Variants in EIF2AK3 observed in about 807,000 individuals in gnomAD.
EIF2AK3 encodes eukaryotic translation initiation factor 2 alpha kinase 3.
A neutral mutation model predicts 113.5 loss-of-function variants in EIF2AK3; 50 were observed. The observed-to-expected ratio is 0.44, with a 90% CI of 0.35 to 0.56. The LOEUF (loss-of-function observed/expected upper bound fraction) is 0.56, where lower values mean the gene tolerates loss of function less well. Among genes scored for constraint, EIF2AK3 ranks in the 20% least tolerant of loss-of-function variants. EIF2AK3 has a pLI of 0.00. For synonymous variants in EIF2AK3, 448 were observed against 495.4 expected, an observed-to-expected ratio of 0.90 and a Z score of 1.27; for missense variants, 1,185 against 1,378.0, an observed-to-expected ratio of 0.86 and a Z score of 2.22.
intron 2 of EIF2AK3, among the ~76,000 whole-genome samples, chr2:88,607,351 A>T (rs2104460568): frequency 6.6e-6 from 1 of 152,360 alleles, no homozygotes; most frequent in African/African-American, 2.4e-5. Flanking sequence ...AATTAAAAAC[A>T]AAATTCTTAG....
At chr2:88,620,597 T>C (rs990695343) in intron 1 of EIF2AK3, among the ~76,000 whole-genome samples, 7 of 152,262 alleles carry the variant, frequency 4.6e-5, no homozygotes, top group Non-Finnish European at 8.8e-5. Flanking sequence ...ATTTTTATCT[T>C]TGCAGATCTG....
chr2:88,585,349 A>C (rs1210177893), intron 9 of EIF2AK3, among the ~76,000 whole-genome samples: 1 of 152,054 alleles, frequency 6.6e-6, no homozygotes, highest in Non-Finnish European at 1.5e-5. Flanking sequence ...AAATGAGGAC[A>C]GTCTGAGATA....
chr2:88,590,737 A>G, intron 5 of EIF2AK3, 81 bp downstream of exon 5: 1 of 1,575,854 alleles, frequency 6.3e-7, no homozygotes, highest in African/African-American at 1.3e-5. Context: ...AGTAGTAGTA[A>G]TTTCGTTCCA....
At chr2:88,602,805 T>G (rs1675187487) in intron 2 of EIF2AK3, among the ~76,000 whole-genome samples, 1 of 148,624 alleles carries the variant, frequency 6.7e-6, no homozygotes, top group Non-Finnish European at 1.5e-5. Context: ...CTGACGGGGG[T>G]GGGGAGCAAG....
chr2:88,562,273 T>G lies in EIF2AK3; in HGVS notation c.3087+16A>C, dbSNP rs560897978. On this transcript the variant is annotated intron_variant, in intron 15 of 16. Transcript: ENST00000303236. ...TTCTGTTTGAAACTTTTTTTTTGAG[T>G]AGGGAGGGTACTTACCCTGACTCTC... 1.0e-5 allele frequency: 16 copies of G among 1,598,524 alleles called. 2 individuals are homozygous for G. The South Asian group carries it at 1.8e-4, about 18-fold the overall frequency.
intron 8 of EIF2AK3, 127 bp downstream of exon 8, chr2:88,587,855 G>A (rs1391627972): frequency 1.5e-6 from 1 of 659,602 alleles, no homozygotes. Context: ...TGTATGCTTA[G>A]TAATCATTCA....
chr2:88,608,616 G>C (rs1675346263), intron 2 of EIF2AK3, among the ~76,000 whole-genome samples: 1 of 149,100 alleles, frequency 6.7e-6, no homozygotes, highest in Non-Finnish European at 1.5e-5. Context: ...AGGACCTTAA[G>C]AAAACACTGC....
Position 88,594,760 on chromosome 2 carries a change from G to A in EIF2AK3, c.633+709C>T, listed in dbSNP as rs558916813. Among the ~76,000 whole-genome samples the A allele has an allele frequency of 6.3e-5, 9 of 143,138 alleles. No homozygotes were observed. The South Asian group carries it at 1.5e-3, about 24-fold the overall frequency. The allele number at this position is 143,138 out of a possible 152,430, so 93.9% of individuals were successfully genotyped here. A position where few individuals can be genotyped will look rare whatever the true frequency, so the allele number is the denominator to read the frequency against. Reference sequence around the variant, plus strand: ...TATTATAGGATCAAACCCTATAAATGAGTAGTATCAATTATTCTTATCATT... The same window carrying A: ...TATTATAGGATCAAACCCTATAAATAAGTAGTATCAATTATTCTTATCATT... On this transcript the variant is annotated intron_variant, in intron 3 of 16. Coordinates refer to ENST00000303236, the MANE Select transcript of EIF2AK3 (RefSeq NM_004836.7).
At position 88,626,995 on chromosome 2, in the gene EIF2AK3, C is replaced by G. The variant is rs1260850302; in HGVS notation, c.280G>C (p.Asp94His). 2 of 1,609,084 alleles carry G rather than the reference C, an allele frequency of 1.2e-6. No individual in the cohort carries two copies. Among genetic ancestry groups the G allele is most frequent in the Admixed American group, 1.7e-5 (1 of 59,914 alleles). ...CCGCGCGGTCGCAACTCTGTCTCAT[C>G]GTCTGGTTCCGGACCCCGAGGCTCC... is the stretch of plus-strand genomic sequence containing the variant. ...EQEPRGPEPDDETELRPRGRS... is the reference protein window; with the variant it reads ...EQEPRGPEPDHETELRPRGRS... Residue 94 changes from aspartate to histidine, a missense_variant, in exon 1 of 17, where the codon GAT becomes CAT. Asp to His is a moderately conservative substitution (Grantham distance 81). This residue lies in a region of EIF2AK3 where 189 missense variants were observed against 175.2 expected (regional missense o/e 1.08). Transcript: ENST00000303236.
In EIF2AK3 at chr2:88,576,722, T is replaced by C. The variant is rs759994814; in HGVS notation, c.1887-19A>G. 3.7e-6 allele frequency: 6 copies of C among 1,613,304 alleles called. No homozygotes were observed. The South Asian group carries it at 6.6e-5, about 18-fold the overall frequency. On this transcript the variant is annotated intron_variant, in intron 11 of 16. Transcript: ENST00000303236. ...CAATTCCCTGAAAGAGAGAAAATAT[T>C]TAAGGTGATGGATATTCCAATTACA...
chr2:88,557,902 G>A lies in EIF2AK3; in HGVS notation c.3185C>T (p.Pro1062Leu), dbSNP rs751877330. ...VMVQDMLSPS[P>L]MERPEAINII... The stretch of plus-strand genomic sequence containing the variant: ...GTTTATAGCTTCAGGTCGTTCCATG[G>A]GGGATGGAGAGAGCATGTCTTGAAC... The change falls in exon 17 of 17, where the codon CCC becomes CTC. Residue 1062 changes from proline (P) to leucine (L), a missense_variant. Physicochemically the swap from Pro to Leu is moderately conservative, Grantham distance 98. Around this residue, in one of 3 missense-constraint regions of EIF2AK3, gnomAD observed 877 missense variants for 1,024.2 expected, o/e 0.86. Transcript: ENST00000303236. The A allele has an allele frequency of 1.2e-6, 2 of 1,614,098 alleles. No homozygotes were observed. Among genetic ancestry groups the A allele is most frequent in the Middle Eastern group, 1.6e-4 (1 of 6,062 alleles).
chr2:88,559,874 T>A (rs991552332), intron 15 of EIF2AK3, among the ~76,000 whole-genome samples: 1 of 152,212 alleles, frequency 6.6e-6, no homozygotes, highest in Non-Finnish European at 1.5e-5. Context: ...AGCATTTTGG[T>A]GGTTTCTACT....
At chr2:88,573,376 T>G (rs1419450578) in intron 13 of EIF2AK3, among the ~76,000 whole-genome samples, 1 of 152,198 alleles carries the variant, frequency 6.6e-6, no homozygotes, top group East Asian at 1.9e-4. Context: ...ATTCATTGTC[T>G]TTCAAGTTGG....
intron 3 of EIF2AK3, chr2:88,593,975 A>G (rs1674949320): frequency 1.0e-6 from 1 of 989,900 alleles, no homozygotes. Flanking sequence ...ATCGGGTTCA[A>G]TCCTGTTGTT....
intron 13 of EIF2AK3, among the ~76,000 whole-genome samples, chr2:88,572,687 C>T (rs987912195): frequency 6.6e-6 from 1 of 152,166 alleles, no homozygotes; most frequent in Admixed American, 6.5e-5. Flanking sequence ...CAACAGATTT[C>T]CTTTTCTGGT....
intron 1 of EIF2AK3, among the ~76,000 whole-genome samples, chr2:88,619,446 C>G (rs1675665274): frequency 6.6e-6 from 1 of 152,176 alleles, no homozygotes; most frequent in South Asian, 2.1e-4. Context: ...CCATCTCTCC[C>G]CTATCCTAGT....
In EIF2AK3 at chr2:88,556,817, A is replaced by G. The variant is rs1033444831; in HGVS notation, c.*919T>C. Reference sequence around the variant, plus strand: ...GTTAACACACTTAAGTGTGTTCTGTACACCACCAACCCAAATGGATTGATT... The same window carrying G: ...GTTAACACACTTAAGTGTGTTCTGTGCACCACCAACCCAAATGGATTGATT... On this transcript the variant is annotated 3_prime_UTR_variant, in exon 17 of 17. Coordinates refer to ENST00000303236, the MANE Select transcript of EIF2AK3 (RefSeq NM_004836.7). The G allele has an allele frequency of 6.6e-6, 1 of 152,228 alleles. No homozygotes were observed. Among genetic ancestry groups the G allele is most frequent in the Non-Finnish European group, 1.5e-5 (1 of 68,036 alleles). The allele number at this position is 152,228 out of a possible 1,614,324, so 9.4% of individuals were successfully genotyped here.
At chr2:88,607,484 C>G (rs557244167) in intron 2 of EIF2AK3, among the ~76,000 whole-genome samples, 31 of 152,258 alleles carry the variant, frequency 2.0e-4, no homozygotes. Context: ...ACGGTTTTAG[C>G]TTGGTTATGT....
rs1223166032 is a variant in EIF2AK3 at position 88,590,905 on chromosome 2, T to TA, written c.914dup (p.Met306AsnfsTer11). The TA allele has an allele frequency of 6.2e-7, 1 of 1,613,988 alleles. No homozygotes were observed. The highest frequency in any genetic ancestry group is 1.3e-5 in the African/African-American group (1 of 74,910). ...CCGAAACCTTTATCACTATGTCCAT[T>TA]ATGGCAGCTTCCTGTTCTTCCACAT... On this transcript the variant is annotated frameshift_variant, in exon 5 of 17. Transcript: ENST00000303236. LOFTEE classifies it high-confidence loss of function.
Sources: allele counts gnomAD v4.1 joint callset (sites outside exome capture counted in the v4.1 genomes callset), GRCh38; gene constraint gnomAD v4.1.1; regional missense constraint gnomAD v4.1.1; transcripts MANE v1.5; gene names NCBI Gene and HGNC (gene_info 2026-07-23, HGNC 2026-07-21).